The following PRDM16 variants were observed in gnomAD, a reference collection of about 807,000 sequenced individuals.
PRDM16 encodes histone-lysine N-methyltransferase PRDM16.
A neutral mutation model predicts 110.6 loss-of-function variants in PRDM16; 23 were observed. The ratio of observed to expected loss-of-function variants is 0.21; its 90% confidence interval spans 0.15 to 0.29. The LOEUF (loss-of-function observed/expected upper bound fraction) is 0.29, where lower values mean the gene tolerates loss of function less well. Ranked by LOEUF, PRDM16 falls within the 10% of genes least tolerant of loss-of-function variation. The pLI, the probability that PRDM16 is intolerant of heterozygous loss-of-function variation, is 1.00. For synonymous variants in PRDM16, 799 were observed against 781.8 expected, an observed-to-expected ratio of 1.02 and a Z score of -0.37; for missense variants, 1,615 against 1,794.3, an observed-to-expected ratio of 0.90 and a Z score of 1.81.
rs1319347269 is a variant in PRDM16 at position 3,246,737 on chromosome 1, G to A, written c.438+2600G>A. The stretch of plus-strand genomic sequence containing the variant: ...GAGTGTTTGCCAAGGCCATGCTGGT[G>A]GGAGAATCAGATCCCTAACCCCAGG... On this transcript the variant is annotated intron_variant, in intron 3 of 16. Coordinates refer to ENST00000270722, the MANE Select transcript of PRDM16 (RefSeq NM_022114.4). The surrounding 1 kb of genome is among the most constrained non-coding windows in gnomAD (Gnocchi z 5.2). 1.3e-5 allele frequency among the ~76,000 whole-genome samples: 2 copies of A among 152,164 alleles called. No individual in the cohort carries two copies. Among genetic ancestry groups the A allele is most frequent in the Non-Finnish European group, 2.9e-5 (2 of 68,012 alleles).
At chr1:3,150,262 A>C (rs1643750818) in intron 1 of PRDM16, among the ~76,000 whole-genome samples, 1 of 152,178 alleles carries the variant, frequency 6.6e-6, no homozygotes, top group Non-Finnish European at 1.5e-5. Flanking sequence ...CTATCTAAAA[A>C]TTGAGGTTTG....
intron 8 of PRDM16, among the ~76,000 whole-genome samples, chr1:3,410,554 G>A (rs1322746979): frequency 3.3e-5 from 5 of 152,190 alleles, no homozygotes; most frequent in South Asian, 2.1e-4. Flanking sequence ...CGGGATCCCC[G>A]AGTTGGGGCC....
Position 3,425,075 on chromosome 1 carries a change from CTTT to C in PRDM16, c.2940-488_2940-486del, listed in dbSNP as rs34261616. On this transcript the variant is annotated intron_variant, in intron 12 of 16. Transcript: ENST00000270722. The surrounding 1 kb of genome is among the most constrained non-coding windows in gnomAD (Gnocchi z 6.9). ...CAGTAGGAGGGTGAACGCCTGCTTG[CTTT>C]TTTTTTTTTTTTTTTTTGAGATGGA... 11 of 123,072 alleles carry C rather than the reference CTTT, an allele frequency of 8.9e-5. No homozygotes were observed. The highest frequency in any genetic ancestry group is 5.6e-4 in the South Asian group (2 of 3,584). The allele number at this position is 123,072 out of a possible 1,614,324, so 7.6% of individuals were successfully genotyped here.
intron 3 of PRDM16, among the ~76,000 whole-genome samples, chr1:3,314,440 G>A (rs1641549286): frequency 6.6e-6 from 1 of 152,136 alleles, no homozygotes; most frequent in African/African-American, 2.4e-5. Context: ...TCAGAGGAAG[G>A]CCACGATGAG....
chr1:3,225,574 G>GTGTGTGCGCGCGCA (rs1491529163), intron 2 of PRDM16, among the ~76,000 whole-genome samples: 50 of 135,206 alleles, frequency 3.7e-4, no homozygotes, highest in African/African-American at 1.6e-3. Context: ...GTGTGTGTGT[G>GTGTGTGCGCGCGCA]CGCGCGCGCA....
chr1:3,318,303 C>T (rs16824138), intron 3 of PRDM16, among the ~76,000 whole-genome samples: 2,974 of 152,192 alleles, frequency 0.02, 102 homozygotes, highest in African/African-American at 0.067. Context: ...CAACTTGTGA[C>T]GATTCTTGAG....
rs544828094 is a variant in PRDM16 at position 3,394,455 on chromosome 1, C to T, written c.574-2036C>T. 158 of 424,356 alleles carry T rather than the reference C, an allele frequency of 3.7e-4. 1 individual carries two copies. The highest frequency in any genetic ancestry group is 1.7e-3 in the South Asian group (105 of 63,102). The allele number at this position is 424,356 out of a possible 1,614,324, so 26.3% of individuals were successfully genotyped here. A position where few individuals can be genotyped will look rare whatever the true frequency, so the allele number is the denominator to read the frequency against. ...GTGCGGGAGGATGCCCGAGGTCTCA[C>T]GTCAGGACCCTCGACGGGGGTGGGG... On this transcript the variant is annotated intron_variant, in intron 4 of 16. Coordinates refer to ENST00000270722, the MANE Select transcript of PRDM16 (RefSeq NM_022114.4).
chr1:3,432,879 G>A (rs1357571955), intron 16 of PRDM16, among the ~76,000 whole-genome samples: 1 of 152,218 alleles, frequency 6.6e-6, no homozygotes, highest in Non-Finnish European at 1.5e-5. Context: ...CACCTGCCCT[G>A]TGCTGGGGGC....
chr1:3,325,949 A>C (rs143562531), intron 3 of PRDM16, among the ~76,000 whole-genome samples: 4 of 137,988 alleles, frequency 2.9e-5, no homozygotes, highest in Non-Finnish European at 6.2e-5. Context: ...CTCCTTGGCC[A>C]TCCTCGACGA....
At position 3,437,388 on chromosome 1, in the gene PRDM16, G is replaced by A. The variant is rs1458112720; in HGVS notation, c.*3577G>A. The A allele has an allele frequency of 8.6e-6, 2 of 231,970 alleles. No individual in the cohort carries two copies. The highest frequency in any genetic ancestry group is 8.5e-6 in the Non-Finnish European group (1 of 117,254). 14.4% of individuals were successfully genotyped at this position (231,970 alleles called of 1,614,324 possible). A position where few individuals can be genotyped will look rare whatever the true frequency, so the allele number is the denominator to read the frequency against. ...CGTATTTTAGACTCGAAGCCTCAAA[G>A]CACTGGATTGTGGTCCCCTGCCCCC... On this transcript the variant is annotated 3_prime_UTR_variant, in exon 17 of 17. Coordinates refer to ENST00000270722, the MANE Select transcript of PRDM16 (RefSeq NM_022114.4).
chr1:3,155,167 G>A (rs979744558), intron 1 of PRDM16, among the ~76,000 whole-genome samples: 3 of 152,178 alleles, frequency 2.0e-5, no homozygotes, highest in Non-Finnish European at 4.4e-5. Context: ...GCCGTCCTGC[G>A]GACCTCTCCA....
At chr1:3,096,943 C>T (rs567049529) in intron 1 of PRDM16, among the ~76,000 whole-genome samples, 49 of 152,266 alleles carry the variant, frequency 3.2e-4, no homozygotes, top group Middle Eastern at 3.4e-3. Flanking sequence ...AAAACTACGC[C>T]GAGGCTGCTC....
chr1:3,144,298 G>A (rs894423666), intron 1 of PRDM16, among the ~76,000 whole-genome samples: 5 of 152,176 alleles, frequency 3.3e-5, no homozygotes, highest in African/African-American at 4.8e-5. Context: ...GAGAGGCGCC[G>A]GCCATCCCTC....
intron 3 of PRDM16, among the ~76,000 whole-genome samples, chr1:3,357,469 G>A (rs1215248385): frequency 6.7e-6 from 1 of 149,788 alleles, no homozygotes; most frequent in East Asian, 1.9e-4. Flanking sequence ...TCACCACGGG[G>A]CCTGGCCAGT....
rs1463406472 is a variant in PRDM16 at position 3,358,077 on chromosome 1, C to T, written c.439-27075C>T. 1.3e-5 allele frequency among the ~76,000 whole-genome samples: 2 copies of T among 152,230 alleles called. No individual in the cohort carries two copies. Among genetic ancestry groups the T allele is most frequent in the African/African-American group, 4.8e-5 (2 of 41,468 alleles). ...GGCTGCCCTGGCTAACGGCGGTGCC[C>T]AGTGGCCTGGCCTCACGCGTGGGTC... On this transcript the variant is annotated intron_variant, in intron 3 of 16. Transcript: ENST00000270722. This position sits in a 1 kb window ranked among gnomAD's most constrained non-coding sequence, Gnocchi z 4.0.
At chr1:3,202,806 G>C (rs867088361) in intron 2 of PRDM16, among the ~76,000 whole-genome samples, 2 of 152,174 alleles carry the variant, frequency 1.3e-5, no homozygotes, top group Non-Finnish European at 1.5e-5. Flanking sequence ...GCAAGCCATC[G>C]TGGCCTCTGG....
Position 3,365,962 on chromosome 1 carries a change from GCA to G in PRDM16, c.439-19182_439-19181del, listed in dbSNP as rs534797008. Among the ~76,000 whole-genome samples the G allele has an allele frequency of 1.6e-3, 247 of 151,328 alleles. 1 individual carries two copies. The highest frequency in any genetic ancestry group is 3.7e-3 in the African/African-American group (153 of 41,142). ...CACAAACGCACACGCATGCACACAT[GCA>G]CACACACGCACACACGCACACAAAC... is the stretch of plus-strand genomic sequence containing the variant. On this transcript the variant is annotated intron_variant, in intron 3 of 16. Coordinates refer to ENST00000270722, the MANE Select transcript of PRDM16 (RefSeq NM_022114.4).
At chr1:3,398,196 G>C (rs1052348278) in intron 5 of PRDM16, among the ~76,000 whole-genome samples, 1 of 152,148 alleles carries the variant, frequency 6.6e-6, no homozygotes, top group Non-Finnish European at 1.5e-5. Flanking sequence ...TCATTTGTAC[G>C]ATGAAATTTC....
intron 1 of PRDM16, among the ~76,000 whole-genome samples, chr1:3,134,443 G>A (rs958835639): frequency 5.3e-5 from 8 of 152,234 alleles, no homozygotes; most frequent in African/African-American, 1.7e-4. Flanking sequence ...AGTTGGGGCC[G>A]AGGGGCCACG....
Sources: gnomAD v4.1 joint callset for allele counts (sites outside exome capture counted in the v4.1 genomes callset) on GRCh38, gnomAD v4.1.1 for gene constraint, Gnocchi (gnomAD v3.1) non-coding constraint, MANE v1.5 for transcripts, NCBI Gene and HGNC (gene_info 2026-07-23, HGNC 2026-07-21) for gene names.